Variants in GPHN observed in about 807,000 individuals in gnomAD.
The protein encoded by GPHN is gephyrin.
Under a neutral mutation model 95.5 loss-of-function variants are expected in GPHN, and 17 were observed. The ratio of observed to expected loss-of-function variants is 0.18; its 90% CI spans 0.12 to 0.27. The LOEUF is 0.27. Ranked by LOEUF, GPHN falls within the 10% of genes least tolerant of loss-of-function variation. GPHN has a pLI of 1.00. For synonymous variants in GPHN, 320 were observed against 322.5 expected (o/e 0.99, Z 0.08); for missense variants, 660 against 978.1 (o/e 0.67, Z 4.34).
chr14:67,653,508 G>T, the GPHN span: 1 of 1,611,456 alleles, frequency 6.2e-7, no homozygotes, highest in South Asian at 1.1e-5. Flanking sequence ...GCTGAGAAGA[G>T]AAAATAGTGA....
At chr14:67,561,760 C>A in the GPHN span, among the ~76,000 whole-genome samples, 1 of 150,916 alleles carries the variant, frequency 6.6e-6, no homozygotes, top group Non-Finnish European at 1.5e-5. Flanking sequence ...GTCCCAGCTA[C>A]TCAGGAGGCT....
the GPHN span, chr14:67,678,199 A>C: frequency 7.5e-6 from 5 of 662,538 alleles, no homozygotes; most frequent in South Asian, 8.9e-5. Context: ...CAAGCAGGCA[A>C]GGCTGGAAGG....
the GPHN span, among the ~76,000 whole-genome samples, chr14:67,310,640 TAA>T: frequency 6.6e-6 from 1 of 152,246 alleles, no homozygotes; most frequent in Non-Finnish European, 1.5e-5. Flanking sequence ...TAATAACATT[TAA>T]GTTTTGCTGG....
intron 1 of GPHN, among the ~76,000 whole-genome samples, chr14:66,552,761 A>T (rs1441019433): frequency 1.3e-5 from 2 of 152,110 alleles, no homozygotes; most frequent in East Asian, 3.9e-4. Flanking sequence ...CTGTTTTCTG[A>T]CTTCCAGTGA....
chr14:67,706,443 T>A, the GPHN span, among the ~76,000 whole-genome samples: 2 of 152,160 alleles, frequency 1.3e-5, no homozygotes, highest in African/African-American at 2.4e-5. Flanking sequence ...GAACACAGTT[T>A]GGTTTTATAC....
chr14:67,372,740 A>T, the GPHN span, among the ~76,000 whole-genome samples: 1 of 152,020 alleles, frequency 6.6e-6, no homozygotes, highest in Non-Finnish European at 1.5e-5. Context: ...AGGCAGGAGA[A>T]TCACTTGAAC....
the GPHN span, among the ~76,000 whole-genome samples, chr14:67,490,125 G>A: frequency 2.8e-4 from 43 of 152,204 alleles, no homozygotes; most frequent in African/African-American, 9.4e-4. Flanking sequence ...ATTCTTGGGC[G>A]ACTGAAACAT....
the GPHN span, chr14:67,581,011 G>A: frequency 7.4e-6 from 12 of 1,612,266 alleles, no homozygotes; most frequent in Admixed American, 5.0e-5. Flanking sequence ...GGTGGGACAC[G>A]CGTCGTGAAG....
chr14:67,219,180 C>A, the GPHN span, among the ~76,000 whole-genome samples: 2 of 152,188 alleles, frequency 1.3e-5, no homozygotes, highest in African/African-American at 4.8e-5. Context: ...ACTCCCAAAA[C>A]TAGGCTCAGG....
Position 67,163,352 on chromosome 14 carries a change from T to TA in GPHN, c.1911-1809dup, listed in dbSNP as rs113599660. Reference sequence around the variant, plus strand: ...AAATAGATATTTTTATTATTACTGTTATTATGTTCATTCTAACAATATAAC... The same window carrying TA: ...AAATAGATATTTTTATTATTACTGTTAATTATGTTCATTCTAACAATATAAC... On this transcript the variant is annotated intron_variant, in intron 19 of 22. Transcript: ENST00000478722. Among the ~76,000 whole-genome samples, 466 of 152,184 alleles carry TA rather than the reference T, an allele frequency of 3.1e-3. 5 individuals carry two copies. Among genetic ancestry groups the TA allele is most frequent in the African/African-American group, 0.011 (448 of 41,532 alleles).
chr14:67,026,747 A>G (rs1424497109), intron 10 of GPHN, among the ~76,000 whole-genome samples: 1 of 152,116 alleles, frequency 6.6e-6, no homozygotes, highest in Non-Finnish European at 1.5e-5. Context: ...GGTTCACGCC[A>G]TTCTCCTGCC....
chr14:67,695,781 C>G, the GPHN span: 1 of 1,389,138 alleles, frequency 7.2e-7, no homozygotes, highest in Non-Finnish European at 1.0e-6. Flanking sequence ...CTAGACACGC[C>G]CCAATTCAAA....
chr14:66,648,707 T>G (rs183456837), intron 1 of GPHN, among the ~76,000 whole-genome samples: 1 of 152,156 alleles, frequency 6.6e-6, no homozygotes, highest in Non-Finnish European at 1.5e-5. Flanking sequence ...TGAGAACATA[T>G]CCCTGTTGTT....
the GPHN span, among the ~76,000 whole-genome samples, chr14:67,601,992 AAAGGATTTCTTC>A: frequency 4.8e-4 from 73 of 151,664 alleles, 1 homozygote; most frequent in African/African-American, 1.3e-3. Context: ...CTTTTTTCCT[AAAGGATTTCTTC>A]AAGCACTTCT....
At chr14:67,380,894 T>C in the GPHN span, 2 of 459,546 alleles carry the variant, frequency 4.4e-6, no homozygotes, top group African/African-American at 4.1e-5. Flanking sequence ...TTGTTTTTTA[T>C]AACAAAAGCT....
At chr14:66,706,545 AAAAAC>A (rs2069096063) in intron 2 of GPHN, among the ~76,000 whole-genome samples, 1 of 152,216 alleles carries the variant, frequency 6.6e-6, no homozygotes, top group Non-Finnish European at 1.5e-5. Flanking sequence ...CAAAGCTGAA[AAAAAC>A]AAGCAATGGG....
chr14:67,323,919 T>G, the GPHN span: 1 of 623,914 alleles, frequency 1.6e-6, no homozygotes, highest in Non-Finnish European at 2.8e-6. Context: ...GCTTTCAAAC[T>G]GATTATTTTT....
chr14:67,659,969 C>T, the GPHN span: 2 of 1,571,362 alleles, frequency 1.3e-6, no homozygotes, highest in Non-Finnish European at 1.7e-6. Flanking sequence ...TCTTCCCTCA[C>T]TCATTTGGAA....
At chr14:67,167,884 A>G (rs2082375525) in intron 20 of GPHN, among the ~76,000 whole-genome samples, 1 of 152,188 alleles carries the variant, frequency 6.6e-6, no homozygotes, top group Non-Finnish European at 1.5e-5. Flanking sequence ...CAAGAAATCA[A>G]ATCTGTTATT....
Sources: gnomAD v4.1 joint callset for allele counts (sites outside exome capture counted in the v4.1 genomes callset) on GRCh38, gnomAD v4.1.1 for gene constraint, MANE v1.5 for transcripts, NCBI Gene and HGNC (gene_info 2026-07-23, HGNC 2026-07-21) for gene names.